Variants in RAP1GAP2 observed in about 807,000 individuals in gnomAD.
RAP1GAP2 encodes RAP1 GTPase activating protein 2.
In RAP1GAP2, 27 loss-of-function variants were observed where a neutral mutation model predicts 95.0. The observed-to-expected ratio is 0.28, with a 90% confidence interval of 0.21 to 0.39. The LOEUF (loss-of-function observed/expected upper bound fraction) is 0.39, where lower values mean the gene tolerates loss of function less well. Among genes scored for constraint, RAP1GAP2 ranks in the 10% least tolerant of loss-of-function variants. The probability of loss-of-function intolerance (pLI) is 1.00; values close to 1 mark genes in which losing one functional copy is unlikely to be tolerated. For missense variants in RAP1GAP2, 771 were observed against 970.0 expected, an observed-to-expected ratio of 0.79 and a Z score of 2.72; for synonymous variants, 373 against 380.9, an observed-to-expected ratio of 0.98 and a Z score of 0.24.
At chr17:2,982,150 C>CTTT (rs1219457266) in intron 10 of RAP1GAP2, among the ~76,000 whole-genome samples, 1 of 152,088 alleles carries the variant, frequency 6.6e-6, no homozygotes, top group Non-Finnish European at 1.5e-5. Context: ...AACAAACACT[C>CTTT]TTTTTTTGAG....
chr17:3,031,452 G>A (rs908817383), intron 23 of RAP1GAP2, among the ~76,000 whole-genome samples: 1 of 151,904 alleles, frequency 6.6e-6, no homozygotes, highest in African/African-American at 2.4e-5. Flanking sequence ...CCAGACTATC[G>A]AGAGCTCCAG....
intron 3 of RAP1GAP2, among the ~76,000 whole-genome samples, chr17:2,953,709 T>C (rs2043999283): frequency 6.6e-6 from 1 of 152,028 alleles, no homozygotes; most frequent in Non-Finnish European, 1.5e-5. Context: ...TAGCTGGGCA[T>C]GGGGGCGCAT....
chr17:2,864,924 C>T (rs1007349410), intron 2 of RAP1GAP2, among the ~76,000 whole-genome samples: 6 of 152,194 alleles, frequency 3.9e-5, no homozygotes, highest in East Asian at 1.9e-4. Flanking sequence ...CAGAAACACT[C>T]GTGGATCCCC....
intron 2 of RAP1GAP2, among the ~76,000 whole-genome samples, chr17:2,771,486 G>GTTTTTTGT (rs2068393688): frequency 8.1e-6 from 1 of 123,476 alleles, no homozygotes; most frequent in African/African-American, 3.3e-5. Context: ...CCACTTTTTT[G>GTTTTTTGT]TTTTTTTTTT....
intron 1 of RAP1GAP2, among the ~76,000 whole-genome samples, chr17:2,785,787 C>G (rs986155995): frequency 6.6e-6 from 1 of 152,018 alleles, no homozygotes; most frequent in South Asian, 2.1e-4. Flanking sequence ...GTCTGTGGCT[C>G]GTCCTGCTAC....
intron 1 of RAP1GAP2, among the ~76,000 whole-genome samples, chr17:2,758,645 C>G (rs1202775464): frequency 6.6e-6 from 1 of 152,074 alleles, no homozygotes; most frequent in Non-Finnish European, 1.5e-5. Context: ...CCAGCCATGG[C>G]CAGCCATGCT....
At position 2,891,241 on chromosome 17, in the gene RAP1GAP2, G is replaced by A. The variant is rs141180209; in HGVS notation, c.81-14043G>A. ...TGGCTTACTACAGTCTTGACCTCCA[G>A]GGTTCAAGCGATCCCCCTACCTCAG... On this transcript the variant is annotated intron_variant, in intron 2 of 24. Coordinates refer to ENST00000254695, the MANE Select transcript of RAP1GAP2 (RefSeq NM_015085.5). Among the ~76,000 whole-genome samples, 391 of 151,820 alleles carry A rather than the reference G, an allele frequency of 2.6e-3. 1 individual carries two copies. The highest frequency in any genetic ancestry group is 3.7e-3 in the Non-Finnish European group (250 of 67,958).
chr17:2,773,901 G>A (rs2068444452), upstream of RAP1GAP2, among the ~76,000 whole-genome samples: 1 of 152,016 alleles, frequency 6.6e-6, no homozygotes, highest in Admixed American at 6.6e-5. Context: ...GGGATTACAG[G>A]TGCCCGCCAC....
At chr17:2,975,643 T>C (rs1253467490) in intron 8 of RAP1GAP2, among the ~76,000 whole-genome samples, 3 of 152,228 alleles carry the variant, frequency 2.0e-5, no homozygotes, top group African/African-American at 7.2e-5. Flanking sequence ...CTCACGTGTG[T>C]AGCTGTGTTC....
intron 3 of RAP1GAP2, among the ~76,000 whole-genome samples, chr17:2,911,952 G>A (rs921256301): frequency 1.3e-5 from 2 of 152,284 alleles, no homozygotes; most frequent in Admixed American, 1.3e-4. Flanking sequence ...GGTGGCCCTT[G>A]CTCAGCCTTC....
At chr17:2,880,665 C>A (rs989015670) in intron 2 of RAP1GAP2, among the ~76,000 whole-genome samples, 1 of 152,056 alleles carries the variant, frequency 6.6e-6, no homozygotes, top group Non-Finnish European at 1.5e-5. Flanking sequence ...AAGCAACTAC[C>A]ATCTACTTTC....
At chr17:2,818,672 A>G (rs191695752) in intron 2 of RAP1GAP2, among the ~76,000 whole-genome samples, 1 of 152,270 alleles carries the variant, frequency 6.6e-6, no homozygotes, top group African/African-American at 2.4e-5. Context: ...ACAGGTATCT[A>G]GAAACATTTA....
At chr17:2,901,044 G>T (rs2042010873) in intron 2 of RAP1GAP2, among the ~76,000 whole-genome samples, 1 of 152,234 alleles carries the variant, frequency 6.6e-6, no homozygotes. Context: ...AGCTCCGTCT[G>T]GGTGAATCAT....
chr17:2,996,002 A>G (rs1265381531), intron 13 of RAP1GAP2, among the ~76,000 whole-genome samples: 3 of 148,230 alleles, frequency 2.0e-5, no homozygotes, highest in Non-Finnish European at 4.4e-5. Context: ...GATTACATAC[A>G]TTTCTGACTA....
upstream of RAP1GAP2, among the ~76,000 whole-genome samples, chr17:2,794,639 A>C (rs370437322): frequency 7.9e-5 from 12 of 152,278 alleles, 1 homozygote; most frequent in Admixed American, 7.2e-4. Context: ...CAGGACCCTG[A>C]AGCTGCTCCC....
At chr17:2,885,033 T>C (rs991482089) in intron 2 of RAP1GAP2, among the ~76,000 whole-genome samples, 7 of 142,300 alleles carry the variant, frequency 4.9e-5, no homozygotes, top group African/African-American at 1.0e-4. Context: ...TCTTTCTTTT[T>C]TTTTTTTTTT....
rs768489215 is a variant in RAP1GAP2, at chr17:3,008,606, T to A, written c.1494+461T>A. On this transcript the variant is annotated intron_variant, in intron 17 of 24. Transcript: ENST00000254695. This position sits in a 1 kb window ranked among gnomAD's most constrained non-coding sequence, Gnocchi z 4.2. ...CCAGCCGGCCGAGCATTGGAAGACC[T>A]GGCTGGGCAGGGGCCATGGAACTAT... is the stretch of plus-strand genomic sequence containing the variant. Among the ~76,000 whole-genome samples, 2 of 152,148 alleles carry A rather than the reference T, an allele frequency of 1.3e-5. No homozygotes were observed. Among genetic ancestry groups the A allele is most frequent in the Non-Finnish European group, 2.9e-5 (2 of 68,030 alleles).
At chr17:2,896,558 A>C (rs1306765180) in intron 2 of RAP1GAP2, among the ~76,000 whole-genome samples, 1 of 152,216 alleles carries the variant, frequency 6.6e-6, no homozygotes, top group African/African-American at 2.4e-5. Flanking sequence ...CAGTTCTAAA[A>C]GCTGCTTGTG....
chr17:2,958,876 A>T (rs936165917), intron 4 of RAP1GAP2, among the ~76,000 whole-genome samples: 2 of 152,004 alleles, frequency 1.3e-5, no homozygotes, highest in South Asian at 4.1e-4. Context: ...GTTTGAAGGG[A>T]AAGTATTGTT....
Sources: allele counts gnomAD v4.1 joint callset (sites outside exome capture counted in the v4.1 genomes callset), GRCh38; gene constraint gnomAD v4.1.1; non-coding constraint Gnocchi (gnomAD v3.1); transcripts MANE v1.5; gene names NCBI Gene and HGNC (gene_info 2026-07-23, HGNC 2026-07-21).